The following ADAMTS3 variants were observed in gnomAD, a reference collection of about 807,000 sequenced individuals.
ADAMTS3 encodes A disintegrin and metalloproteinase with thrombospondin motifs 3.
In ADAMTS3, 73 loss-of-function variants were observed where a neutral mutation model predicts 129.0. The observed-to-expected ratio is 0.57, with a 90% CI of 0.47 to 0.69. The LOEUF is 0.69. Among genes scored for constraint, ADAMTS3 ranks in the 30% least tolerant of loss-of-function variants. The pLI, the probability that ADAMTS3 is intolerant of heterozygous loss-of-function variation, is 0.00. For missense variants in ADAMTS3, 1,457 were observed against 1,514.5 expected, an observed-to-expected ratio of 0.96 and a Z score of 0.63; for synonymous variants, 477 against 510.8, an observed-to-expected ratio of 0.93 and a Z score of 0.89.
chr4:72,416,425 AACCTATGCG>A (rs1454342952), intron 3 of ADAMTS3, among the ~76,000 whole-genome samples: 1 of 151,916 alleles, frequency 6.6e-6, no homozygotes, highest in Non-Finnish European at 1.5e-5. Flanking sequence ...ACAGCCCTGG[AACCTATGCG>A]ACCGTGTCTC....
intron 17 of ADAMTS3, among the ~76,000 whole-genome samples, chr4:72,300,999 A>T (rs752988318): frequency 5.3e-4 from 81 of 152,182 alleles, no homozygotes; most frequent in Admixed American, 7.2e-4. Context: ...GTGTCCAGAT[A>T]CATGTTCCAC....
intron 2 of ADAMTS3, among the ~76,000 whole-genome samples, chr4:72,549,561 G>T (rs1404672669): frequency 6.6e-6 from 1 of 152,068 alleles, no homozygotes; most frequent in Non-Finnish European, 1.5e-5. Flanking sequence ...ATCCTACCAT[G>T]CTTTCCTCCA....
At chr4:72,449,086 C>T (rs892524011) in intron 3 of ADAMTS3, among the ~76,000 whole-genome samples, 1 of 151,690 alleles carries the variant, frequency 6.6e-6, no homozygotes, top group Admixed American at 6.6e-5. Context: ...CCCCAGCTTA[C>T]TGACTCTTTC....
At chr4:72,495,690 T>C (rs1719857281) in intron 3 of ADAMTS3, among the ~76,000 whole-genome samples, 1 of 149,920 alleles carries the variant, frequency 6.7e-6, no homozygotes, top group South Asian at 2.1e-4. Context: ...TATTTTTTAA[T>C]AACCTGCAGC....
intron 21 of ADAMTS3, among the ~76,000 whole-genome samples, chr4:72,285,832 C>G (rs1051353728): frequency 6.8e-6 from 1 of 148,028 alleles, no homozygotes; most frequent in African/African-American, 2.5e-5. Context: ...AAAAATCAAT[C>G]AATTACAAAA....
At chr4:72,348,067 T>C (rs1351324342) in intron 4 of ADAMTS3, among the ~76,000 whole-genome samples, 1 of 151,948 alleles carries the variant, frequency 6.6e-6, no homozygotes, top group African/African-American at 2.4e-5. Context: ...TATGTTAATA[T>C]TAATATTAAC....
intron 3 of ADAMTS3, among the ~76,000 whole-genome samples, chr4:72,546,043 G>A (rs1721459284): frequency 6.6e-6 from 1 of 152,138 alleles, no homozygotes. Flanking sequence ...GGCATGGCAA[G>A]AATATGTTTT....
chr4:72,518,857 T>C (rs1443141071), intron 3 of ADAMTS3, among the ~76,000 whole-genome samples: 1 of 151,888 alleles, frequency 6.6e-6, no homozygotes, highest in Admixed American at 6.6e-5. Flanking sequence ...AATATTGTTA[T>C]GTGTGAATTT....
At chr4:72,294,324 G>C (rs570819925) in intron 19 of ADAMTS3, among the ~76,000 whole-genome samples, 1 of 152,172 alleles carries the variant, frequency 6.6e-6, no homozygotes, top group South Asian at 2.1e-4. Flanking sequence ...ATGGAAAGAT[G>C]TTGGTCAAGG....
chr4:72,303,473 TA>T (rs1719004643), intron 17 of ADAMTS3, among the ~76,000 whole-genome samples: 1 of 151,848 alleles, frequency 6.6e-6, no homozygotes, highest in Admixed American at 6.6e-5. Flanking sequence ...GAGGGTGAAA[TA>T]AAGATATTTT....
At chr4:72,290,784 G>T in intron 20 of ADAMTS3, 71 bp downstream of exon 20, 1 of 1,508,816 alleles carries the variant, frequency 6.6e-7, no homozygotes. Context: ...TGATGTTTAA[G>T]CCAAATTAAA....
rs1159463873 is a variant in ADAMTS3, at chr4:72,319,973, A to G, written c.1103-10T>C. 4.4e-6 allele frequency: 7 copies of G among 1,598,308 alleles called. No homozygotes were observed. The African/African-American group carries it at 5.4e-5, about 12-fold the overall frequency. On this transcript the variant is annotated splice_polypyrimidine_tract_variant and intron_variant, in intron 7 of 21. Coordinates refer to ENST00000286657, the MANE Select transcript of ADAMTS3 (RefSeq NM_014243.3). Reference sequence around the variant, plus strand: ...GTGACTGGAGCATATCCTGTAGAGAATAACAATTACTTTTATTTTCATTTT... The same window carrying G: ...GTGACTGGAGCATATCCTGTAGAGAGTAACAATTACTTTTATTTTCATTTT...
chr4:72,316,385 T>C (rs1257282795), intron 10 of ADAMTS3, among the ~76,000 whole-genome samples: 2 of 152,226 alleles, frequency 1.3e-5, no homozygotes, highest in South Asian at 4.1e-4. Context: ...GATAGATAGT[T>C]GAATATAAAT....
At chr4:72,375,134 C>G (rs1721105440) in intron 4 of ADAMTS3, among the ~76,000 whole-genome samples, 1 of 152,144 alleles carries the variant, frequency 6.6e-6, no homozygotes, top group Non-Finnish European at 1.5e-5. Context: ...CTAGCATTAT[C>G]TCACCCTTCA....
At chr4:72,518,122 T>A (rs1431472673) in intron 3 of ADAMTS3, among the ~76,000 whole-genome samples, 1 of 152,234 alleles carries the variant, frequency 6.6e-6, no homozygotes, top group Non-Finnish European at 1.5e-5. Flanking sequence ...AACAGGTTGT[T>A]CAGTTTCCAT....
chr4:72,423,480 G>C (rs1242572709), intron 3 of ADAMTS3, among the ~76,000 whole-genome samples: 2 of 152,002 alleles, frequency 1.3e-5, no homozygotes, highest in African/African-American at 4.8e-5. Flanking sequence ...TCAAACATCT[G>C]TTCTATCAAT....
At chr4:72,314,640 T>G (rs753079770) in intron 11 of ADAMTS3, among the ~76,000 whole-genome samples, 9 of 152,334 alleles carry the variant, frequency 5.9e-5, no homozygotes, top group Admixed American at 2.6e-4. Flanking sequence ...AAAAAGTTAA[T>G]TATATAATTT....
chr4:72,540,562 T>A (rs191831076), intron 3 of ADAMTS3, among the ~76,000 whole-genome samples: 1 of 152,174 alleles, frequency 6.6e-6, no homozygotes, highest in African/African-American at 2.4e-5. Context: ...CTCCAGGGCA[T>A]CTCAGAGGTC....
intron 12 of ADAMTS3, among the ~76,000 whole-genome samples, chr4:72,313,155 T>C (rs1719290650): frequency 6.6e-6 from 1 of 152,166 alleles, no homozygotes; most frequent in Admixed American, 6.5e-5. Flanking sequence ...TGTTTTTTTC[T>C]TCGTAAAGAT....
Sources: allele counts gnomAD v4.1 joint callset (sites outside exome capture counted in the v4.1 genomes callset), GRCh38; gene constraint gnomAD v4.1.1; transcripts MANE v1.5; gene names NCBI Gene and HGNC (gene_info 2026-07-23, HGNC 2026-07-21).